SMPD4: variants seen among roughly 807,000 people sequenced by gnomAD.
SMPD4 encodes the protein neutral sphingomyelinase 3.
In SMPD4, 58 loss-of-function variants were observed where a neutral mutation model predicts 97.8. That is an observed-to-expected ratio of 0.59 (90% confidence interval 0.48 to 0.74). The LOEUF (loss-of-function observed/expected upper bound fraction) is 0.74, where lower values mean the gene tolerates loss of function less well. Ranked by LOEUF, SMPD4 falls within the 30% of genes least tolerant of loss-of-function variation. The probability of loss-of-function intolerance (pLI) is 0.00; values close to 1 mark genes in which losing one functional copy is unlikely to be tolerated. For missense variants in SMPD4, 853 were observed against 1,080.5 expected (o/e 0.79, Z 2.95); for synonymous variants, 388 against 450.0 (o/e 0.86, Z 1.74).
At chr2:130,171,610 T>C (rs188216328) in intron 8 of SMPD4, among the ~76,000 whole-genome samples, 1 of 152,254 alleles carries the variant, frequency 6.6e-6, no homozygotes, top group African/African-American at 2.4e-5. Context: ...TCCTTGCCAC[T>C]CCCTTTCTCC....
intron 12 of SMPD4, chr2:130,156,908 C>T (rs1172784121): frequency 8.5e-7 from 1 of 1,180,200 alleles, no homozygotes. Flanking sequence ...CCTGCACACA[C>T]CTCACCCTCC....
rs944775986 is a variant in SMPD4, at chr2:130,160,689, C to A, written c.951+497G>T. On this transcript the variant is annotated intron_variant, in intron 11 of 19. Coordinates refer to ENST00000680298, the MANE Select transcript of SMPD4 (RefSeq NM_017951.5). ...AGCCCCAGGTCCTTCCCACCCCCTG[C>A]CTCACACGCAAGCTCTGGGTCACAG... Among the ~76,000 whole-genome samples, 6 of 150,670 alleles carry A rather than the reference C, an allele frequency of 4.0e-5. No homozygotes were observed. The East Asian group carries it at 1.2e-3, about 30-fold the overall frequency.
At chr2:130,157,694 C>T in intron 11 of SMPD4, 1 of 459,550 alleles carries the variant, frequency 2.2e-6, no homozygotes, top group Non-Finnish European at 3.9e-6. Context: ...GGCCTCCCAG[C>T]CCTGCTTCTG....
Position 130,153,845 on chromosome 2 carries a change from A to C in SMPD4, c.1750T>G (p.Phe584Val). The change falls in exon 17 of 20, where the codon TTC (phenylalanine) becomes GTC (valine). Residue 584 changes from phenylalanine to valine, a missense_variant. This residue lies in a region of SMPD4 where 511 missense variants were observed against 608.1 expected (regional missense o/e 0.84). Coordinates refer to ENST00000680298, the MANE Select transcript of SMPD4 (RefSeq NM_017951.5). ...GAGCTAAAGCCCAGCCATGAGAGGA[A>C]GGAGTGGCCAGCCGGGCTCTCCGCA... is the stretch of plus-strand genomic sequence containing the variant. ...QCAESPAGHS[F>V]LSWLGFSSMD... 1 of 1,613,934 alleles carries C rather than the reference A, an allele frequency of 6.2e-7. No homozygotes were observed. The highest frequency in any genetic ancestry group is 8.5e-7 in the Non-Finnish European group (1 of 1,179,866).
chr2:130,156,334 G>C, intron 13 of SMPD4, 199 bp from the exon 14 acceptor site: 1 of 662,916 alleles, frequency 1.5e-6, no homozygotes, highest in South Asian at 2.0e-5. Context: ...TCCCAGCCCA[G>C]GGGGCAGAGT....
At chr2:130,167,098 A>T (rs558243193) in intron 9 of SMPD4, among the ~76,000 whole-genome samples, 1 of 152,090 alleles carries the variant, frequency 6.6e-6, no homozygotes, top group African/African-American at 2.4e-5. Context: ...CACATAGTGG[A>T]AGGTGGCAAC....
In SMPD4 at chr2:130,156,053, C is replaced by T. The variant is rs369829572; in HGVS notation, c.1271G>A (p.Arg424Gln). The change falls in exon 14 of 20, where the codon CGG becomes CAG. Residue 424 changes from arginine (R) to glutamine (Q), a missense_variant. Around this residue, in one of 3 missense-constraint regions of SMPD4, gnomAD observed 511 missense variants for 608.1 expected, o/e 0.84. Coordinates refer to ENST00000680298, the MANE Select transcript of SMPD4 (RefSeq NM_017951.5). ...GGCTCACCATTTCTCCGACACACACCGGGGCTGGGAGTCGCTGCCCGGAGC... is the reference window on the plus strand; with the variant it reads ...GGCTCACCATTTCTCCGACACACACTGGGGCTGGGAGTCGCTGCCCGGAGC... ...KQAPGSDSQP[R>Q]CVSEKWAPFV... The T allele has an allele frequency of 1.4e-5, 22 of 1,611,296 alleles. No homozygotes were observed. The highest frequency in any genetic ancestry group is 5.5e-5 in the South Asian group (5 of 90,998).
chr2:130,152,648 G>A lies in SMPD4; in HGVS notation c.2391C>T (p.Pro797=). 1 of 1,561,440 alleles carries A rather than the reference G, an allele frequency of 6.4e-7. No homozygotes were observed. The highest frequency in any genetic ancestry group is 8.7e-7 in the Non-Finnish European group (1 of 1,153,742). ...GGGTGAGCAGCAGCGTGCATGGGAGGGGCCCGACGCAGAACAGAGAGGCCA... is the reference window on the plus strand; with the variant it reads ...GGGTGAGCAGCAGCGTGCATGGGAGAGGCCCGACGCAGAACAGAGAGGCCA... ...FFVASLFCVG[P]LPCTLLLTLG... The change falls in exon 20 of 20, where the codon CCC becomes CCT. Residue 797 remains proline (P), a synonymous_variant. Coordinates refer to ENST00000680298, the MANE Select transcript of SMPD4 (RefSeq NM_017951.5).
chr2:130,165,525 G>C (rs1687851360), intron 9 of SMPD4, among the ~76,000 whole-genome samples: 1 of 152,060 alleles, frequency 6.6e-6, no homozygotes, highest in African/African-American at 2.4e-5. Flanking sequence ...ACACTATTCA[G>C]CCCTAAAAAG....
intron 5 of SMPD4, 77 bp downstream of exon 5, chr2:130,173,199 TGGA>T (rs1234543717): frequency 2.5e-5 from 34 of 1,345,538 alleles, no homozygotes; most frequent in Non-Finnish European, 3.3e-5. Flanking sequence ...CTCAGAGGAC[TGGA>T]GGAGATTGCC....
At chr2:130,181,278 C>T (rs1689586147) in intron 1 of SMPD4, 2 of 1,389,358 alleles carry the variant, frequency 1.4e-6, no homozygotes, top group Non-Finnish European at 1.9e-6. Flanking sequence ...CGAAGGTTAA[C>T]CTTCAGCGAA....
rs1019328843 is a variant in SMPD4 at position 130,156,030 on chromosome 2, C to T, written c.1289+5G>A. The T allele has an allele frequency of 1.1e-5, 18 of 1,610,756 alleles. No homozygotes were observed. Among genetic ancestry groups the T allele is most frequent in the Non-Finnish European group, 1.5e-5 (18 of 1,179,372 alleles). On this transcript the variant is annotated splice_donor_5th_base_variant and intron_variant, in intron 14 of 19. Transcript: ENST00000680298. ...GGCATGTCTGTGAGAGGAGCTGAGG[C>T]TCACCATTTCTCCGACACACACCGG...
chr2:130,153,301 G>A lies in SMPD4; in HGVS notation c.2025+18C>T. 2 of 1,613,576 alleles carry A rather than the reference G, an allele frequency of 1.2e-6. 1 individual carries two copies. Among genetic ancestry groups the A allele is most frequent in the Non-Finnish European group, 1.7e-6 (2 of 1,179,962 alleles). On this transcript the variant is annotated intron_variant, in intron 18 of 19. Coordinates refer to ENST00000680298, the MANE Select transcript of SMPD4 (RefSeq NM_017951.5). The stretch of plus-strand genomic sequence containing the variant: ...GTCAGGGCCCAGCCTGTGCGCCTCT[G>A]AGACACGGGCCTCTCACCTGGTACC...
In SMPD4 at chr2:130,157,272, C is replaced by T. The variant is rs541644496; in HGVS notation, c.1076G>A (p.Ser359Asn). ...CCACCGTTTGAACTCCTCCAGGGGG[C>T]TGGTGGCGTGGGAGTGGGCGGAGGG... is the stretch of plus-strand genomic sequence containing the variant. ...ASPSAHSHAT[S>N]PLEEFKRAAV... Residue 359 changes from serine to asparagine, a missense_variant, in exon 12 of 20, where the codon AGC (serine) becomes AAC (asparagine). Physicochemically the swap from Ser to Asn is conservative, Grantham distance 46 (BLOSUM62 1). Around this residue, in one of 3 missense-constraint regions of SMPD4, gnomAD observed 29 missense variants for 70.2 expected, o/e 0.41. Transcript: ENST00000680298. 2 of 1,552,378 alleles carry T rather than the reference C, an allele frequency of 1.3e-6. No individual in the cohort carries two copies. The highest frequency in any genetic ancestry group is 4.8e-5 in the East Asian group (2 of 41,738).
rs116785570 is a variant in SMPD4 at position 130,160,684 on chromosome 2, C to T, written c.951+502G>A. On this transcript the variant is annotated intron_variant, in intron 11 of 19. Coordinates refer to ENST00000680298, the MANE Select transcript of SMPD4 (RefSeq NM_017951.5). ...GGTCAAGCCCCAGGTCCTTCCCACC[C>T]CCTGCCTCACACGCAAGCTCTGGGT... Among the ~76,000 whole-genome samples, 912 of 152,014 alleles carry T rather than the reference C, an allele frequency of 6.0e-3. 6 individuals carry two copies. Among genetic ancestry groups the T allele is most frequent in the African/African-American group, 0.02 (810 of 41,464 alleles).
intron 8 of SMPD4, among the ~76,000 whole-genome samples, chr2:130,168,832 C>T (rs1688175909): frequency 6.6e-6 from 1 of 151,914 alleles, no homozygotes; most frequent in African/African-American, 2.4e-5. Context: ...AGCAATCCTC[C>T]CACCTCAGCC....
At chr2:130,170,648 T>C (rs1466853947) in intron 8 of SMPD4, among the ~76,000 whole-genome samples, 1 of 151,542 alleles carries the variant, frequency 6.6e-6, no homozygotes, top group African/African-American at 2.4e-5. Flanking sequence ...CTTATAGTAC[T>C]AGCTACTTGG....
intron 8 of SMPD4, among the ~76,000 whole-genome samples, chr2:130,170,954 G>T (rs1227067991): frequency 1.3e-5 from 2 of 151,820 alleles, no homozygotes; most frequent in African/African-American, 4.8e-5. Flanking sequence ...CCAGCTACTT[G>T]CGAGGCTGAG....
intron 11 of SMPD4, chr2:130,157,648 T>G: frequency 1.5e-6 from 1 of 685,920 alleles, no homozygotes; most frequent in Middle Eastern, 4.3e-4. Context: ...CACACAGCCC[T>G]GGGGAGGCCT....
Sources: allele counts gnomAD v4.1 joint callset (sites outside exome capture counted in the v4.1 genomes callset), GRCh38; gene constraint gnomAD v4.1.1; regional missense constraint gnomAD v4.1.1; transcripts MANE v1.5; gene names NCBI Gene and HGNC (gene_info 2026-07-23, HGNC 2026-07-21).